The following SLC46A3 variants were observed in gnomAD, a reference collection of about 807,000 sequenced individuals.
SLC46A3 encodes lysosomal proton-coupled steroid conjugate and bile acid symporter SLC46A3.
Under a neutral mutation model 38.5 loss-of-function variants are expected in SLC46A3, and 26 were observed. The ratio of observed to expected loss-of-function variants is 0.68; its 90% confidence interval spans 0.49 to 0.94. SLC46A3 has a LOEUF of 0.94. Among genes scored for constraint, SLC46A3 ranks in the 40% least tolerant of loss-of-function variants. SLC46A3 has a pLI of 0.00. For missense variants in SLC46A3, 510 were observed against 544.3 expected (o/e 0.94, Z 0.63); for synonymous variants, 185 against 192.5 (o/e 0.96, Z 0.32).
Position 28,700,505 on chromosome 13 carries a change from CAAATTTAAG to C in SLC46A3, c.*983_*991del. 1 of 155,118 alleles carries C rather than the reference CAAATTTAAG, an allele frequency of 6.4e-6. No individual in the cohort carries two copies. Among genetic ancestry groups the C allele is most frequent in the Admixed American group, 6.4e-5 (1 of 15,626 alleles). 9.6% of individuals were successfully genotyped at this position (155,118 alleles called of 1,614,324 possible). A position where few individuals can be genotyped will look rare whatever the true frequency, so the allele number is the denominator to read the frequency against. On this transcript the variant is annotated 3_prime_UTR_variant, in exon 6 of 6. Transcript: ENST00000266943. ...CTATGAGTGACCGTGTTGACGGATT[CAAATTTAAG>C]GAGTACAAGATCGTATTTTAAAAAT...
intron 2 of SLC46A3, among the ~76,000 whole-genome samples, chr13:28,717,049 CTT>C (rs1314383452): frequency 1.3e-5 from 2 of 151,988 alleles, no homozygotes; most frequent in Admixed American, 1.3e-4. Context: ...AAATGGTAGA[CTT>C]TTGTCAAAAA....
chr13:28,715,537 A>T (rs1388708079), intron 2 of SLC46A3, among the ~76,000 whole-genome samples: 1 of 152,258 alleles, frequency 6.6e-6, no homozygotes, highest in Non-Finnish European at 1.5e-5. Flanking sequence ...GCCAAAAGAA[A>T]GCACAGAATC....
chr13:28,717,484 A>AATTTT lies in SLC46A3; in HGVS notation c.189+325_189+326insAAAAT, dbSNP rs1322198755. 7.4e-3 allele frequency among the ~76,000 whole-genome samples: 695 copies of AATTTT among 94,070 alleles called. 76 individuals carry two copies. The highest frequency in any genetic ancestry group is 0.022 in the Middle Eastern group (4 of 184). The allele number at this position is 94,070 out of a possible 152,430, so 61.7% of individuals were successfully genotyped here. A position where few individuals can be genotyped will look rare whatever the true frequency, so the allele number is the denominator to read the frequency against. On this transcript the variant is annotated intron_variant, in intron 2 of 5. Coordinates refer to ENST00000266943, the MANE Select transcript of SLC46A3 (RefSeq NM_181785.4). ...CAGCCTGCCCTGCCCCAATTTTCAG[A>AATTTT]CTTTTTTTTTTTTTTTTTTTTTTTT...
Position 28,701,454 on chromosome 13 carries a change from G to T in SLC46A3, c.*43C>A, listed in dbSNP as rs769453386. Reference sequence around the variant, plus strand: ...ATAGTCTTCAGAAGTCATGGTATATGATATGTGCATTCATAGATTTTTTTT... The same window carrying T: ...ATAGTCTTCAGAAGTCATGGTATATTATATGTGCATTCATAGATTTTTTTT... On this transcript the variant is annotated 3_prime_UTR_variant, in exon 6 of 6. Coordinates refer to ENST00000266943, the MANE Select transcript of SLC46A3 (RefSeq NM_181785.4). 5 of 1,603,914 alleles carry T rather than the reference G, an allele frequency of 3.1e-6. No individual in the cohort carries two copies. In the Admixed American group the frequency reaches 5.2e-5, roughly 17 times the overall value.
intron 4 of SLC46A3, among the ~76,000 whole-genome samples, chr13:28,709,878 G>C (rs1885292333): frequency 1.3e-5 from 2 of 152,166 alleles, no homozygotes; most frequent in South Asian, 4.1e-4. Flanking sequence ...CAGCTGAGTG[G>C]GGCCCCGTTT....
In SLC46A3 at chr13:28,712,735, C is replaced by T. The variant is rs765175214; in HGVS notation, c.1005G>A (p.Thr335=). ...IHMAFIGIFT[T]MTGMAMTAFA... ...ACGCGGTCATAGCCATTCCTGTCAT[C>T]GTGGTAAAAATCCCAATGAAGGCCA... The change falls in exon 3 of 6, where the codon ACG becomes ACA. Residue 335 remains threonine (T), a synonymous_variant. Transcript: ENST00000266943. 2.1e-5 allele frequency: 33 copies of T among 1,608,858 alleles called. No homozygotes were observed. The highest frequency in any genetic ancestry group is 1.1e-4 in the East Asian group (5 of 44,868).
rs1042740734 is a variant in SLC46A3 at position 28,717,889 on chromosome 13, C to T, written c.110G>A (p.Gly37Asp). 2 of 1,613,888 alleles carry T rather than the reference C, an allele frequency of 1.2e-6. No homozygotes were observed. Among genetic ancestry groups the T allele is most frequent in the African/African-American group, 2.7e-5 (2 of 74,870 alleles). Residue 37 changes from glycine (G) to aspartate (D), a missense_variant, in exon 2 of 6, where the codon GGC becomes GAC. Coordinates refer to ENST00000266943, the MANE Select transcript of SLC46A3 (RefSeq NM_181785.4). ...GCTATCAGATGAAAAAGTGTAGTTG[C>T]CAGTTTCTTCCCATATTCTCCGATA... ...YVYRRIWEETGNYTFSSDSNI... is the reference protein window; with the variant it reads ...YVYRRIWEETDNYTFSSDSNI...
intron 4 of SLC46A3, among the ~76,000 whole-genome samples, chr13:28,707,603 A>G (rs1885216029): frequency 6.6e-6 from 1 of 152,228 alleles, no homozygotes; most frequent in Non-Finnish European, 1.5e-5. Flanking sequence ...AAATATAAAC[A>G]AAAATAAACT....
rs1885003915 is a variant in SLC46A3, at chr13:28,701,142, G to T, written c.*355C>A. On this transcript the variant is annotated 3_prime_UTR_variant, in exon 6 of 6. Transcript: ENST00000266943. ...GTAAAGATTTCTCTTTGGTCTCAGT[G>T]TAAGAGCCTGGAATATGTCAGAGAG... 4.2e-6 allele frequency: 6 copies of T among 1,432,930 alleles called. No homozygotes were observed. Among genetic ancestry groups the T allele is most frequent in the Non-Finnish European group, 5.5e-6 (6 of 1,093,532 alleles). The allele number at this position is 1,432,930 out of a possible 1,614,324, so 88.8% of individuals were successfully genotyped here.
chr13:28,710,668 G>A, intron 4 of SLC46A3, 92 bp downstream of exon 4: 2 of 976,236 alleles, frequency 2.0e-6, no homozygotes, highest in Non-Finnish European at 1.6e-6. Flanking sequence ...AAAAAGGGCT[G>A]TAGAATATTC....
intron 4 of SLC46A3, chr13:28,704,640 A>C (rs1034523670): frequency 2.0e-5 from 3 of 152,272 alleles, no homozygotes; most frequent in African/African-American, 7.2e-5. Flanking sequence ...ATTCTTATAC[A>C]TTCTGCAACT....
chr13:28,713,380 C>T lies in SLC46A3; in HGVS notation c.360G>A (p.Leu120=). 6.2e-7 allele frequency: 1 copy of T among 1,613,986 alleles called. No individual in the cohort carries two copies. The change falls in exon 3 of 6, where the codon TTG becomes TTA. Residue 120 remains leucine, a synonymous_variant. Coordinates refer to ENST00000266943, the MANE Select transcript of SLC46A3 (RefSeq NM_181785.4). The part of the protein sequence containing the change: ...GALATSVWLC[L]LCYFAFPFQL... ...GGAATGGAAAGGCAAAATAGCAAAG[C>T]AAACAGAGCCAAACGCTGGTTGCAA...
At chr13:28,713,771 C>T (rs915338463) in intron 2 of SLC46A3, among the ~76,000 whole-genome samples, 8 of 151,920 alleles carry the variant, frequency 5.3e-5, no homozygotes, top group East Asian at 1.9e-4. Context: ...GAAGTATTTC[C>T]GATTTTGGAT....
chr13:28,713,618 G>A, intron 2 of SLC46A3, 68 bp from the exon 3 acceptor site: 1 of 1,471,888 alleles, frequency 6.8e-7, no homozygotes, highest in Non-Finnish European at 9.2e-7. Flanking sequence ...AAATATCATG[G>A]TGCATATGCT....
At chr13:28,718,399 C>T (rs2137846645) in intron 1 of SLC46A3, 97 bp downstream of exon 1, 1 of 158,474 alleles carries the variant, frequency 6.3e-6, no homozygotes, top group South Asian at 2.0e-4. Flanking sequence ...GACAGTTGCA[C>T]AATTGTTATT....
At chr13:28,710,700 T>C (rs905889023) in intron 4 of SLC46A3, 60 bp downstream of exon 4, 59 of 1,248,802 alleles carry the variant, frequency 4.7e-5, no homozygotes, top group Non-Finnish European at 6.9e-5. Flanking sequence ...ACATTGATTG[T>C]ACACAGATTT....
intron 4 of SLC46A3, among the ~76,000 whole-genome samples, chr13:28,709,710 T>A (rs1300237): frequency 0.47 from 71,919 of 152,134 alleles, 17,625 homozygotes; most frequent in Middle Eastern, 0.66. Context: ...GACTTGGACT[T>A]TCTTGCTGGC....
At chr13:28,704,239 T>G in intron 4 of SLC46A3, 140 bp from the exon 5 acceptor site, 1 of 768,606 alleles carries the variant, frequency 1.3e-6, no homozygotes, top group Non-Finnish European at 2.0e-6. Context: ...ATGAAAGTTA[T>G]TCCCTCAAAG....
intron 5 of SLC46A3, 21 bp downstream of exon 5, chr13:28,703,922 T>A (rs1194757296): frequency 6.4e-7 from 1 of 1,564,614 alleles, no homozygotes; most frequent in African/African-American, 1.5e-5. Context: ...TCTGATAAAA[T>A]GATTAAAAAT....
Sources: allele counts gnomAD v4.1 joint callset (sites outside exome capture counted in the v4.1 genomes callset), GRCh38; gene constraint gnomAD v4.1.1; transcripts MANE v1.5; gene names NCBI Gene and HGNC (gene_info 2026-07-23, HGNC 2026-07-21).